ITGA8: variants seen among roughly 807,000 people sequenced by gnomAD.
ITGA8 encodes integrin subunit alpha 8.
Under a neutral mutation model 142.3 loss-of-function variants are expected in ITGA8, and 91 were observed. The observed-to-expected ratio is 0.64, with a 90% CI of 0.54 to 0.76. The LOEUF (loss-of-function observed/expected upper bound fraction) is 0.76, where lower values mean the gene tolerates loss of function less well. ITGA8 is among the 30% of genes least tolerant of loss of function. The pLI, the probability that ITGA8 is intolerant of heterozygous loss-of-function variation, is 0.00. For synonymous variants in ITGA8, 505 were observed against 485.2 expected (o/e 1.04, Z -0.54); for missense variants, 1,406 against 1,327.7 (o/e 1.06, Z -0.92).
chr10:15,557,962 C>T, intron 26 of ITGA8, 112 bp downstream of exon 26: 1 of 1,306,688 alleles, frequency 7.7e-7, no homozygotes, highest in Non-Finnish European at 1.1e-6. Context: ...TTAGGAATAT[C>T]TGAGCACTGA....
At chr10:15,606,260 C>A in intron 18 of ITGA8, 25 bp downstream of exon 18, 1 of 1,569,732 alleles carries the variant, frequency 6.4e-7, no homozygotes. Context: ...TGAGAAAATG[C>A]CGTCAAAGAC....
intron 2 of ITGA8, among the ~76,000 whole-genome samples, chr10:15,702,087 A>C (rs1272979466): frequency 6.6e-6 from 1 of 152,138 alleles, no homozygotes; most frequent in Non-Finnish European, 1.5e-5. Flanking sequence ...AATACTCCAA[A>C]ACCACTCTGA....
intron 2 of ITGA8, among the ~76,000 whole-genome samples, chr10:15,708,001 T>C (rs1835293060): frequency 2.1e-5 from 2 of 95,244 alleles, no homozygotes; most frequent in South Asian, 7.9e-4. Context: ...CACACACCAT[T>C]CTCTGTCCTC....
chr10:15,642,498 C>A (rs553204423), intron 13 of ITGA8, among the ~76,000 whole-genome samples: 1 of 152,082 alleles, frequency 6.6e-6, no homozygotes, highest in Non-Finnish European at 1.5e-5. Flanking sequence ...TCATTAATCA[C>A]CCTGACATTT....
chr10:15,668,785 G>A (rs549324741), intron 8 of ITGA8, among the ~76,000 whole-genome samples: 20 of 152,224 alleles, frequency 1.3e-4, no homozygotes, highest in Admixed American at 4.6e-4. Context: ...CTGAAGCTTA[G>A]TTTGCCTGGA....
Position 15,606,431 on chromosome 10 carries a change from A to G in ITGA8, c.1765-9T>C. 6.3e-7 allele frequency: 1 copy of G among 1,584,104 alleles called. No individual in the cohort carries two copies. The highest frequency in any genetic ancestry group is 8.6e-7 in the Non-Finnish European group (1 of 1,156,506). On this transcript the variant is annotated splice_polypyrimidine_tract_variant and intron_variant, in intron 17 of 29. Transcript: ENST00000378076. ...CGGAATTCAGTTTCATCCTAGGAAA[A>G]ATAATCACAAACTCAACAGAGGCTC...
intron 27 of ITGA8, among the ~76,000 whole-genome samples, chr10:15,541,273 G>T (rs1295025598): frequency 6.6e-6 from 1 of 152,206 alleles, no homozygotes; most frequent in Non-Finnish European, 1.5e-5. Flanking sequence ...ACATAGGGTT[G>T]CTTGAATTCT....
chr10:15,548,630 G>T, intron 26 of ITGA8, 62 bp from the exon 27 acceptor site: 2 of 997,950 alleles, frequency 2.0e-6, no homozygotes, highest in South Asian at 2.9e-5. Context: ...GAACACTGAA[G>T]TTAGCTTATT....
chr10:15,553,810 G>A (rs913707750), intron 26 of ITGA8, among the ~76,000 whole-genome samples: 2 of 152,090 alleles, frequency 1.3e-5, no homozygotes, highest in East Asian at 1.9e-4. Context: ...AGACCAGCCT[G>A]GCCAACATGC....
In ITGA8 at chr10:15,558,369, C is replaced by T. The variant is rs575551737; in HGVS notation, c.2638-167G>A. Among the ~76,000 whole-genome samples, 9 of 152,242 alleles carry T rather than the reference C, an allele frequency of 5.9e-5. No individual in the cohort carries two copies. The South Asian group carries it at 1.2e-3, about 21-fold the overall frequency. ...GTGTTTAACAGTGACATGACCTGCA[C>T]GCACAAGGAACAAGCTTTTCCACTC... On this transcript the variant is annotated intron_variant, in intron 25 of 29. Coordinates refer to ENST00000378076, the MANE Select transcript of ITGA8 (RefSeq NM_003638.3).
intron 2 of ITGA8, among the ~76,000 whole-genome samples, chr10:15,706,358 A>C (rs1835258083): frequency 6.6e-6 from 1 of 152,080 alleles, no homozygotes; most frequent in South Asian, 2.1e-4. Context: ...CTTTCACCGG[A>C]AAGGGAACGG....
intron 13 of ITGA8, among the ~76,000 whole-genome samples, chr10:15,638,963 C>CA (rs777517035): frequency 1.5e-3 from 233 of 151,356 alleles, no homozygotes; most frequent in African/African-American, 4.2e-3. Context: ...CCTGTCTCTA[C>CA]AAAAAAAATC....
At chr10:15,532,414 C>T (rs571460397) in intron 27 of ITGA8, among the ~76,000 whole-genome samples, 2 of 68,912 alleles carry the variant, frequency 2.9e-5, no homozygotes, top group South Asian at 4.6e-4. Context: ...GTGAGACTCC[C>T]TCTCAAAAAA....
intron 8 of ITGA8, among the ~76,000 whole-genome samples, chr10:15,661,144 C>CA (rs1834278978): frequency 6.6e-6 from 1 of 152,176 alleles, no homozygotes. Flanking sequence ...CGAGCCAGAA[C>CA]GAAGCTTCAT....
rs575344860 is a variant in ITGA8 at position 15,625,858 on chromosome 10, A to C, written c.1400-9299T>G. Among the ~76,000 whole-genome samples the C allele has an allele frequency of 9.9e-5, 15 of 152,214 alleles. No homozygotes were observed. In the South Asian group the frequency reaches 3.1e-3, roughly 32 times the overall value. On this transcript the variant is annotated intron_variant, in intron 13 of 29. Transcript: ENST00000378076. ...TTTAATGAAAAGCAGCCCCCAAATC[A>C]TTTTCTTTTCTAGCAAAGAGCAGCC...
intron 22 of ITGA8, among the ~76,000 whole-genome samples, chr10:15,588,073 T>A (rs1378154880): frequency 6.6e-5 from 10 of 152,204 alleles, no homozygotes. Context: ...CCTCCTCTTT[T>A]TTCATCATCA....
chr10:15,710,834 C>G (rs574980684), intron 2 of ITGA8, among the ~76,000 whole-genome samples: 1 of 152,142 alleles, frequency 6.6e-6, no homozygotes, highest in East Asian at 1.9e-4. Context: ...TAGCGTGGGC[C>G]GGGTCAGGTC....
intron 8 of ITGA8, among the ~76,000 whole-genome samples, chr10:15,665,173 A>G (rs1267416491): frequency 1.3e-5 from 2 of 152,258 alleles, no homozygotes; most frequent in East Asian, 1.9e-4. Context: ...CCTCTCCAGC[A>G]CCTGTTGTTT....
At chr10:15,519,195 C>G (rs900975910) in intron 29 of ITGA8, 95 bp downstream of exon 29, 2 of 1,462,084 alleles carry the variant, frequency 1.4e-6, no homozygotes, top group Non-Finnish European at 1.9e-6. Context: ...CCAAAAATGC[C>G]TCCATAATTG....
Sources: gnomAD v4.1 joint callset for allele counts (sites outside exome capture counted in the v4.1 genomes callset) on GRCh38, gnomAD v4.1.1 for gene constraint, MANE v1.5 for transcripts, NCBI Gene and HGNC (gene_info 2026-07-23, HGNC 2026-07-21) for gene names.